The following CDH6 variants were observed in gnomAD, a reference collection of about 807,000 sequenced individuals.
The protein encoded by CDH6 is cadherin-6.
CDH6 carries 31 observed loss-of-function variants against 78.0 expected under a neutral mutation model. The ratio of observed to expected loss-of-function variants is 0.40; its 90% CI spans 0.30 to 0.54. CDH6 has a LOEUF of 0.54. Among genes scored for constraint, CDH6 ranks in the 20% least tolerant of loss-of-function variants. The pLI is 0.56. For missense variants in CDH6, 724 were observed against 975.9 expected, an observed-to-expected ratio of 0.74 and a Z score of 3.44; for synonymous variants, 376 against 368.8, an observed-to-expected ratio of 1.02 and a Z score of -0.23.
chr5:31,217,557 C>T (rs2111823459), intron 1 of CDH6, among the ~76,000 whole-genome samples: 1 of 152,256 alleles, frequency 6.6e-6, no homozygotes, highest in Non-Finnish European at 1.5e-5. Flanking sequence ...TATTTCAGGA[C>T]TATTAATTGA....
intron 3 of CDH6, among the ~76,000 whole-genome samples, chr5:31,295,883 T>A (rs186533424): frequency 6.6e-6 from 1 of 152,208 alleles, no homozygotes; most frequent in Admixed American, 6.5e-5. Context: ...TGGCAACGAA[T>A]AGACATTTAA....
At chr5:31,288,539 T>C (rs1383173581) in intron 2 of CDH6, among the ~76,000 whole-genome samples, 1 of 152,202 alleles carries the variant, frequency 6.6e-6, no homozygotes, top group South Asian at 2.1e-4. Context: ...ACATGCATTA[T>C]ATATAAAGAT....
At chr5:31,309,238 A>C (rs1190443290) in intron 7 of CDH6, among the ~76,000 whole-genome samples, 1 of 152,140 alleles carries the variant, frequency 6.6e-6, no homozygotes, top group Non-Finnish European at 1.5e-5. Context: ...ATCAGGTTTA[A>C]ATGGCCTGTG....
At chr5:31,292,028 G>A (rs1290950027) in intron 2 of CDH6, among the ~76,000 whole-genome samples, 1 of 152,132 alleles carries the variant, frequency 6.6e-6, no homozygotes, top group Admixed American at 6.5e-5. Context: ...TAAATATGAG[G>A]AAGTTGCACC....
chr5:31,302,788 GAGAGAGAGAGAGAAAGAA>G (rs1321830952), intron 6 of CDH6, among the ~76,000 whole-genome samples: 1,009 of 78,926 alleles, frequency 0.013, 24 homozygotes, highest in African/African-American at 0.049. Flanking sequence ...AAGAGAGAGA[GAGAGAGAGAGAGAAAGAA>G]AGAAAGAAAG....
In CDH6 at chr5:31,294,370, C is replaced by T. The variant is rs1737520559; in HGVS notation, c.523+114C>T. ...GCATGAATTTAGATGCTAACTTCTTCAATCCATGTATGTCCTTTCTGTAAG... is the reference window on the plus strand; with the variant it reads ...GCATGAATTTAGATGCTAACTTCTTTAATCCATGTATGTCCTTTCTGTAAG... On this transcript the variant is annotated intron_variant, in intron 3 of 11. Coordinates refer to ENST00000265071, the MANE Select transcript of CDH6 (RefSeq NM_004932.4). The surrounding 1 kb of genome is among the most constrained non-coding windows in gnomAD (Gnocchi z 4.1). 7.6e-6 allele frequency: 6 copies of T among 786,330 alleles called. No homozygotes were observed. The highest frequency in any genetic ancestry group is 1.3e-5 in the Non-Finnish European group (6 of 469,118). The allele number at this position is 786,330 out of a possible 1,614,324, so 48.7% of individuals were successfully genotyped here.
intron 1 of CDH6, among the ~76,000 whole-genome samples, chr5:31,232,402 C>T (rs902390946): frequency 2.6e-5 from 4 of 152,204 alleles, no homozygotes; most frequent in Admixed American, 6.5e-5. Flanking sequence ...ACTAACCCAA[C>T]CCAGTGTCAT....
At position 31,305,430 on chromosome 5, in the gene CDH6, A is replaced by T. The variant is rs763597248; in HGVS notation, c.1253+3A>T. ...GATGCTGCCAGGAATCCTGTCAAGT[A>T]AGCACACTTCTGCGACATGTCTCTT... On this transcript the variant is annotated splice_donor_region_variant and intron_variant, in intron 7 of 11. Coordinates refer to ENST00000265071, the MANE Select transcript of CDH6 (RefSeq NM_004932.4). 1.2e-6 allele frequency: 2 copies of T among 1,612,090 alleles called. No individual in the cohort carries two copies. The highest frequency in any genetic ancestry group is 1.7e-6 in the Non-Finnish European group (2 of 1,178,704).
At chr5:31,215,893 A>G (rs1462843989) in intron 1 of CDH6, among the ~76,000 whole-genome samples, 1 of 152,178 alleles carries the variant, frequency 6.6e-6, no homozygotes, top group Admixed American at 6.6e-5. Flanking sequence ...AAATTTCCAC[A>G]TAGCAACCAA....
chr5:31,206,570 C>T (rs143885027), intron 1 of CDH6, among the ~76,000 whole-genome samples: 22 of 152,304 alleles, frequency 1.4e-4, no homozygotes, highest in African/African-American at 4.1e-4. Context: ...TCATTAATTA[C>T]TTTATTCATT....
At chr5:31,304,683 CAAAAAAA>C (rs11398035) in intron 6 of CDH6, among the ~76,000 whole-genome samples, 4 of 67,926 alleles carry the variant, frequency 5.9e-5, no homozygotes, top group Non-Finnish European at 1.0e-4. Context: ...GACTCCGTCT[CAAAAAAA>C]AAAAAAAAAA....
intron 6 of CDH6, among the ~76,000 whole-genome samples, chr5:31,302,824 G>GA (rs1466368344): frequency 7.5e-6 from 1 of 132,864 alleles, no homozygotes; most frequent in Middle Eastern, 3.6e-3. Flanking sequence ...AAGAAAGAAA[G>GA]AAAGAAAGAA....
intron 1 of CDH6, among the ~76,000 whole-genome samples, chr5:31,261,683 A>G (rs567302772): frequency 1.3e-5 from 2 of 152,330 alleles, no homozygotes; most frequent in South Asian, 4.1e-4. Flanking sequence ...TTAATTTGTA[A>G]GTCTAGATAG....
intron 2 of CDH6, among the ~76,000 whole-genome samples, chr5:31,290,570 A>C (rs1260654916): frequency 6.6e-6 from 1 of 152,200 alleles, no homozygotes; most frequent in Non-Finnish European, 1.5e-5. Context: ...GACATCACAA[A>C]AGAAAAAATC....
At chr5:31,226,727 T>C (rs1165057796) in intron 1 of CDH6, among the ~76,000 whole-genome samples, 1 of 152,184 alleles carries the variant, frequency 6.6e-6, no homozygotes, top group Non-Finnish European at 1.5e-5. Flanking sequence ...CTCTTGAACA[T>C]GAAATGCTTT....
At chr5:31,202,083 T>C (rs1170496706) in intron 1 of CDH6, among the ~76,000 whole-genome samples, 1 of 145,488 alleles carries the variant, frequency 6.9e-6, no homozygotes, top group Non-Finnish European at 1.5e-5. Flanking sequence ...CAGCCCACCT[T>C]AACCATATAA....
At chr5:31,283,748 AG>A (rs1742929302) in intron 2 of CDH6, among the ~76,000 whole-genome samples, 1 of 152,200 alleles carries the variant, frequency 6.6e-6, no homozygotes, top group Non-Finnish European at 1.5e-5. Flanking sequence ...TAATAGAAAA[AG>A]AACAGGAGAT....
chr5:31,313,738 G>T (rs1466211716), intron 8 of CDH6, among the ~76,000 whole-genome samples: 2 of 152,056 alleles, frequency 1.3e-5, no homozygotes, highest in Admixed American at 6.6e-5. Context: ...TTCCAAAAAA[G>T]CTTATAAATT....
intron 1 of CDH6, among the ~76,000 whole-genome samples, chr5:31,256,376 G>A (rs1375047257): frequency 2.6e-5 from 4 of 152,154 alleles, no homozygotes; most frequent in Non-Finnish European, 4.4e-5. Context: ...CCAAGGGTGG[G>A]AACAGAAAGG....
Sources: allele counts gnomAD v4.1 joint callset (sites outside exome capture counted in the v4.1 genomes callset), GRCh38; gene constraint gnomAD v4.1.1; non-coding constraint Gnocchi (gnomAD v3.1); transcripts MANE v1.5; gene names NCBI Gene and HGNC (gene_info 2026-07-23, HGNC 2026-07-21).